The following MEGF6 variants were observed in gnomAD, a reference collection of about 807,000 sequenced individuals.
MEGF6 encodes multiple EGF like domains 6.
In MEGF6, 184 loss-of-function variants were observed where a neutral mutation model predicts 207.1. The ratio of observed to expected loss-of-function variants is 0.89; its 90% confidence interval spans 0.79 to 1.00. The LOEUF is 1.00. Among genes scored for constraint, MEGF6 ranks in the 50% least tolerant of loss-of-function variants. MEGF6 has a pLI of 0.00. For synonymous variants in MEGF6, 1,038 were observed against 910.0 expected, an observed-to-expected ratio of 1.14 and a Z score of -2.53; for missense variants, 2,282 against 2,202.9, an observed-to-expected ratio of 1.04 and a Z score of -0.72.
chr1:3,605,679 C>G (rs573655598), intron 1 of MEGF6, among the ~76,000 whole-genome samples: 2 of 151,086 alleles, frequency 1.3e-5, no homozygotes, highest in South Asian at 2.1e-4. Flanking sequence ...CACACACACT[C>G]GCACACACAT....
intron 28 of MEGF6, 98 bp downstream of exon 28, chr1:3,496,890 C>G (rs1448292520): frequency 1.3e-6 from 2 of 1,505,552 alleles, no homozygotes; most frequent in Admixed American, 4.2e-5. Context: ...CCATCTTCCA[C>G]CCCCTCAGAT....
chr1:3,520,347 CCTCT>C (rs1384986203), intron 5 of MEGF6, among the ~76,000 whole-genome samples: 5 of 152,222 alleles, frequency 3.3e-5, no homozygotes, highest in Non-Finnish European at 5.9e-5. Context: ...GAGCTGCTCT[CCTCT>C]CTGAGTGTTG....
chr1:3,501,964 G>C, intron 17 of MEGF6, 43 bp from the exon 18 acceptor site: 1 of 1,553,486 alleles, frequency 6.4e-7, no homozygotes, highest in Non-Finnish European at 8.7e-7. Flanking sequence ...ACCACGTGGA[G>C]TGGACTGACC....
At position 3,490,501 on chromosome 1, in the gene MEGF6, G is replaced by T. The variant is rs74050546; in HGVS notation, c.*27C>A. ...AGGGTCCCCTCTGGCTGGGACTGGA[G>T]AGGCGGGCTCCACGGGACTGCCTCT... On this transcript the variant is annotated 3_prime_UTR_variant, in exon 37 of 37. Coordinates refer to ENST00000356575, the MANE Select transcript of MEGF6 (RefSeq NM_001409.4). 8.1e-3 allele frequency: 13,049 copies of T among 1,611,856 alleles called. 964 individuals carry two copies. The African/African-American group carries it at 0.15, about 19-fold the overall frequency.
In MEGF6 at chr1:3,498,514, G is replaced by T. The variant is rs1162669500; in HGVS notation, c.3224-15C>A. 1 of 1,558,610 alleles carries T rather than the reference G, an allele frequency of 6.4e-7. No homozygotes were observed. The highest frequency in any genetic ancestry group is 2.4e-5 in the East Asian group (1 of 42,452). On this transcript the variant is annotated splice_polypyrimidine_tract_variant and intron_variant, in intron 25 of 36. Coordinates refer to ENST00000356575, the MANE Select transcript of MEGF6 (RefSeq NM_001409.4). ...GGGGAGGCACTCTACAGGAGCAGAG[G>T]CAGGCACGAGGGTGAGGGTCCTGCC...
chr1:3,531,579 G>T, intron 4 of MEGF6: 1 of 843,324 alleles, frequency 1.2e-6, no homozygotes, highest in Non-Finnish European at 1.4e-6. Flanking sequence ...GCGCATTCCA[G>T]CGTGCGCGCT....
intron 2 of MEGF6, among the ~76,000 whole-genome samples, chr1:3,595,731 C>T (rs1644053204): frequency 6.6e-6 from 1 of 152,200 alleles, no homozygotes; most frequent in South Asian, 2.1e-4. Context: ...GCCTGGCCCC[C>T]TCCCTCCCGA....
Position 3,514,662 on chromosome 1 carries a change from C to T in MEGF6, c.741G>A (p.Pro247=), listed in dbSNP as rs372060403. 3.4e-4 allele frequency: 531 copies of T among 1,580,024 alleles called. 3 individuals carry two copies. In the East Asian group the frequency reaches 0.01, roughly 30 times the overall value. Residue 247 remains proline (P), a synonymous_variant, in exon 7 of 37, where the codon CCG becomes CCA. Coordinates refer to ENST00000356575, the MANE Select transcript of MEGF6 (RefSeq NM_001409.4). ...TGCAGCTGCCGTTCCTGTTGGCACACGGGCTTCTACCTGCAGCCACGGGCC... is the reference window on the plus strand; with the variant it reads ...TGCAGCTGCCGTTCCTGTTGGCACATGGGCTTCTACCTGCAGCCACGGGCC... ...EDGRHCVRRS[P]CANRNGSCMH...
the MEGF6 span, chr1:3,624,390 C>G: frequency 6.6e-6 from 1 of 152,388 alleles, no homozygotes; most frequent in Admixed American, 6.5e-5. Flanking sequence ...AGGCTCGCGA[C>G]AGCCTGGGCC....
chr1:3,518,497 C>T (rs1034758305), intron 5 of MEGF6, among the ~76,000 whole-genome samples: 10 of 151,988 alleles, frequency 6.6e-5, no homozygotes, highest in Admixed American at 5.2e-4. Context: ...GCATCCTGGG[C>T]GGCGGAGGGA....
intron 21 of MEGF6, 99 bp downstream of exon 21, chr1:3,500,534 G>A: frequency 7.0e-7 from 1 of 1,436,392 alleles, no homozygotes; most frequent in Non-Finnish European, 9.2e-7. Context: ...GTGCGTGCAG[G>A]AGGGAGTACG....
Position 3,565,845 on chromosome 1 carries a change from C to T in MEGF6, c.481+13980G>A, listed in dbSNP as rs563237935. ...GCTCCAGCCACGCTCGGCATTCCGT[C>T]CAGGGCAGGCACTGTGGACCCTGAC... is the stretch of plus-strand genomic sequence containing the variant. On this transcript the variant is annotated intron_variant, in intron 4 of 36. Transcript: ENST00000356575. The surrounding 1 kb of genome is among the most constrained non-coding windows in gnomAD (Gnocchi z 4.8). Among the ~76,000 whole-genome samples, 39 of 152,304 alleles carry T rather than the reference C, an allele frequency of 2.6e-4. 1 individual carries two copies. In the South Asian group the frequency reaches 3.9e-3, roughly 15 times the overall value.
intron 17 of MEGF6, among the ~76,000 whole-genome samples, chr1:3,504,049 G>A (rs1641008724): frequency 1.3e-5 from 2 of 152,136 alleles, no homozygotes; most frequent in Non-Finnish European, 2.9e-5. Flanking sequence ...GATGGAGGTG[G>A]GGAGGGGAAG....
chr1:3,499,049 A>T, intron 24 of MEGF6, 89 bp downstream of exon 24: 1 of 1,526,150 alleles, frequency 6.6e-7, no homozygotes, highest in Non-Finnish European at 8.8e-7. Context: ...TCCCTCCCCC[A>T]GGCACCAAGT....
At chr1:3,569,936 G>A (rs1643449684) in intron 4 of MEGF6, among the ~76,000 whole-genome samples, 1 of 152,250 alleles carries the variant, frequency 6.6e-6, no homozygotes, top group African/African-American at 2.4e-5. Flanking sequence ...CAAGGCCAGG[G>A]AGGATAGCAT....
intron 3 of MEGF6, among the ~76,000 whole-genome samples, chr1:3,590,228 T>C (rs1433680847): frequency 6.6e-6 from 1 of 152,186 alleles, no homozygotes; most frequent in Non-Finnish European, 1.5e-5. Context: ...CTGGCGCTCA[T>C]CTGCCACTCT....
chr1:3,607,285 GC>G (rs1237343811), intron 1 of MEGF6, among the ~76,000 whole-genome samples: 1 of 150,742 alleles, frequency 6.6e-6, no homozygotes, highest in African/African-American at 2.4e-5. Context: ...CACTCTCCCG[GC>G]CCCTGCCCGC....
At chr1:3,619,901 G>A in the MEGF6 span, among the ~76,000 whole-genome samples, 1 of 152,314 alleles carries the variant, frequency 6.6e-6, no homozygotes, top group South Asian at 2.1e-4. Flanking sequence ...GGAAGCTGTG[G>A]GAAAGTTTGG....
chr1:3,522,936 G>A (rs1641811084), intron 5 of MEGF6, among the ~76,000 whole-genome samples: 1 of 152,214 alleles, frequency 6.6e-6, no homozygotes, highest in African/African-American at 2.4e-5. Flanking sequence ...AGGGCAGCGG[G>A]CTGGGGCCGC....
Sources: allele counts gnomAD v4.1 joint callset (sites outside exome capture counted in the v4.1 genomes callset), GRCh38; gene constraint gnomAD v4.1.1; non-coding constraint Gnocchi (gnomAD v3.1); transcripts MANE v1.5; gene names NCBI Gene and HGNC (gene_info 2026-07-23, HGNC 2026-07-21).